The following PCDHGB7 variants were observed in gnomAD, a reference collection of about 807,000 sequenced individuals.
PCDHGB7 encodes protocadherin gamma subfamily B, 7.
Under a neutral mutation model 61.4 loss-of-function variants are expected in PCDHGB7, and 37 were observed. The observed-to-expected ratio is 0.60, with a 90% CI of 0.46 to 0.79. The LOEUF (loss-of-function observed/expected upper bound fraction) is 0.79. Among genes scored for constraint, PCDHGB7 ranks in the 30% least tolerant of loss-of-function variants. PCDHGB7 has a pLI of 0.00. For synonymous variants in PCDHGB7, 464 were observed against 503.5 expected, an observed-to-expected ratio of 0.92 and a Z score of 1.05; for missense variants, 1,166 against 1,202.5, an observed-to-expected ratio of 0.97 and a Z score of 0.45.
At chr5:141,441,173 C>G (rs2098230611) in intron 1 of PCDHGB7, 1 of 152,180 alleles carries the variant, frequency 6.6e-6, no homozygotes, top group South Asian at 2.1e-4. Context: ...ATTTTTACTT[C>G]TAATTCCACA....
At chr5:141,423,800 T>A in intron 1 of PCDHGB7, 2 of 895,132 alleles carry the variant, frequency 2.2e-6, no homozygotes, top group Non-Finnish European at 2.9e-6. Flanking sequence ...TTTAGAGCAA[T>A]ACATGTGAGT....
intron 2 of PCDHGB7, among the ~76,000 whole-genome samples, chr5:141,495,685 T>TA (rs758775501): frequency 1.3e-5 from 2 of 152,210 alleles, no homozygotes; most frequent in African/African-American, 2.4e-5. Context: ...TGCCATGGCA[T>TA]AAGTGCTCAA....
rs1562131721 is a variant in PCDHGB7, at chr5:141,489,636, C to CGAGA, written c.2416-5171_2416-5170insGAGA. 10 of 1,614,074 alleles carry CGAGA rather than the reference C, an allele frequency of 6.2e-6. No individual in the cohort carries two copies. The highest frequency in any genetic ancestry group is 2.7e-5 in the African/African-American group (2 of 74,930). On this transcript the variant is annotated intron_variant, in intron 1 of 3. Coordinates refer to ENST00000398594, the MANE Select transcript of PCDHGB7 (RefSeq NM_018927.4). This position sits in a 1 kb window ranked among gnomAD's most constrained non-coding sequence, Gnocchi z 4.5. ...TGGATCTCAATGACAACTCTCCTAG[C>CGAGA]TTTGCCACCCCTGAGCGAGAGATGC...
intron 1 of PCDHGB7, chr5:141,423,559 G>T: frequency 6.2e-7 from 1 of 1,613,584 alleles, no homozygotes; most frequent in Non-Finnish European, 8.5e-7. Flanking sequence ...CAACTATGGG[G>T]ACACGCTCAT....
At chr5:141,434,980 CTA>C in intron 1 of PCDHGB7, among the ~76,000 whole-genome samples, 1 of 151,954 alleles carries the variant, frequency 6.6e-6, no homozygotes, top group East Asian at 1.9e-4. Flanking sequence ...TGTTAATACT[CTA>C]TATCATTTTC....
At chr5:141,428,004 G>A in intron 1 of PCDHGB7, 1 of 1,601,732 alleles carries the variant, frequency 6.2e-7, no homozygotes, top group Non-Finnish European at 8.5e-7. Flanking sequence ...CGCACTCTTC[G>A]ATATAGTGCC....
intron 1 of PCDHGB7, chr5:141,484,855 G>T (rs1178318896): frequency 3.9e-6 from 1 of 257,336 alleles, no homozygotes; most frequent in East Asian, 8.3e-5. Context: ...GTTTTTTGGG[G>T]GGTGGGGGAG....
Position 141,417,974 on chromosome 5 carries a change from G to A in PCDHGB7, c.115G>A (p.Glu39Lys). 1 of 1,613,856 alleles carries A rather than the reference G, an allele frequency of 6.2e-7. No individual in the cohort carries two copies. Residue 39 changes from glutamate (E) to lysine (K), a missense_variant, in exon 1 of 4, where the codon GAG becomes AAG. Physicochemically the swap from Glu to Lys is moderately conservative, Grantham distance 56. Transcript: ENST00000398594. ...LCEPIRYSIP[E>K]ELAKGSVVGN... ...TGAGCCGATCCGCTACTCGATTCCG[G>A]AGGAGCTGGCCAAGGGCTCGGTGGT...
At chr5:141,481,607 C>A (rs2099540195) in intron 1 of PCDHGB7, among the ~76,000 whole-genome samples, 1 of 152,158 alleles carries the variant, frequency 6.6e-6, no homozygotes, top group Admixed American at 6.5e-5. Flanking sequence ...CACCTGAGGC[C>A]AGGAGTTCAA....
chr5:141,471,046 CTTTTT>C (rs1170588345), intron 1 of PCDHGB7, among the ~76,000 whole-genome samples: 2 of 113,276 alleles, frequency 1.8e-5, no homozygotes, highest in Non-Finnish European at 3.6e-5. Context: ...CCCAAGCCCT[CTTTTT>C]TTTTTTTTTT....
intron 1 of PCDHGB7, among the ~76,000 whole-genome samples, chr5:141,446,411 G>A (rs778985047): frequency 1.3e-5 from 2 of 152,086 alleles, no homozygotes; most frequent in Non-Finnish European, 2.9e-5. Flanking sequence ...TTGAGTTCCA[G>A]CCATGTTCAT....
At chr5:141,456,971 A>G (rs1031714073) in intron 1 of PCDHGB7, among the ~76,000 whole-genome samples, 1 of 147,384 alleles carries the variant, frequency 6.8e-6, no homozygotes, top group Non-Finnish European at 1.5e-5. Context: ...TCAAAACAAA[A>G]CAAACAAACA....
intron 1 of PCDHGB7, among the ~76,000 whole-genome samples, chr5:141,483,015 G>A (rs916071219): frequency 2.0e-5 from 3 of 152,044 alleles, no homozygotes; most frequent in African/African-American, 7.2e-5. Context: ...AACCCGGGAG[G>A]CAGAGGTTGC....
chr5:141,444,093 G>A (rs531514787), intron 1 of PCDHGB7, among the ~76,000 whole-genome samples: 1 of 147,730 alleles, frequency 6.8e-6, no homozygotes, highest in East Asian at 2.0e-4. Flanking sequence ...GTCTGCTAAG[G>A]ATTGGAAACC....
rs1327610213 is a variant in PCDHGB7 at position 141,423,493 on chromosome 5, C to T, written c.2415+3219C>T. 5 of 1,613,984 alleles carry T rather than the reference C, an allele frequency of 3.1e-6. No homozygotes were observed. In the South Asian group the frequency reaches 5.5e-5, roughly 18 times the overall value. On this transcript the variant is annotated intron_variant, in intron 1 of 3. Coordinates refer to ENST00000398594, the MANE Select transcript of PCDHGB7 (RefSeq NM_018927.4). The stretch of plus-strand genomic sequence containing the variant: ...ACAGGCTTTCCTGCAAACCTATTCC[C>T]ACGAGGTCTCTCTCATTGCGGACTC...
At chr5:141,500,184 TTTTATTTATTTA>T (rs58019021) in intron 2 of PCDHGB7, among the ~76,000 whole-genome samples, 197 of 135,960 alleles carry the variant, frequency 1.4e-3, no homozygotes, top group African/African-American at 3.6e-3. Context: ...TCATTTTTAT[TTTTATTTATTTA>T]TTTATTTATT....
At chr5:141,481,323 C>T (rs539518691) in intron 1 of PCDHGB7, among the ~76,000 whole-genome samples, 1 of 152,284 alleles carries the variant, frequency 6.6e-6, no homozygotes, top group Non-Finnish European at 1.5e-5. Flanking sequence ...AAAGCACTAG[C>T]CCCTGGACAA....
At chr5:141,428,004 G>C in intron 1 of PCDHGB7, 1 of 1,601,732 alleles carries the variant, frequency 6.2e-7, no homozygotes, top group East Asian at 2.2e-5. Context: ...CGCACTCTTC[G>C]ATATAGTGCC....
chr5:141,427,222 A>G (rs536161247), intron 1 of PCDHGB7: 1 of 456,774 alleles, frequency 2.2e-6, no homozygotes, highest in South Asian at 1.5e-5. Flanking sequence ...CGTAGCAGTT[A>G]TACCATGAGA....
Sources: allele counts gnomAD v4.1 joint callset (sites outside exome capture counted in the v4.1 genomes callset), GRCh38; gene constraint gnomAD v4.1.1; non-coding constraint Gnocchi (gnomAD v3.1); transcripts MANE v1.5; gene names NCBI Gene and HGNC (gene_info 2026-07-23, HGNC 2026-07-21).